Variants in DENND6A observed in about 807,000 individuals in gnomAD.
DENND6A encodes protein DENND6A.
Under a neutral mutation model 95.5 loss-of-function variants are expected in DENND6A, and 43 were observed. The observed-to-expected ratio is 0.45, with a 90% CI of 0.35 to 0.58. DENND6A has a LOEUF of 0.58. Among genes scored for constraint, DENND6A ranks in the 20% least tolerant of loss-of-function variants. The pLI is 0.00. For synonymous variants in DENND6A, 257 were observed against 260.4 expected (o/e 0.99, Z 0.13); for missense variants, 574 against 736.0 (o/e 0.78, Z 2.55).
At chr3:57,652,686 A>C (rs1489893961) in intron 9 of DENND6A, among the ~76,000 whole-genome samples, 1 of 152,248 alleles carries the variant, frequency 6.6e-6, no homozygotes, top group Non-Finnish European at 1.5e-5. Flanking sequence ...AGGATACCAC[A>C]TTAATCAAGT....
In DENND6A at chr3:57,645,768, G is replaced by T; in HGVS notation, c.942-12C>A. The T allele has an allele frequency of 1.9e-6, 3 of 1,592,476 alleles. No homozygotes were observed. Among genetic ancestry groups the T allele is most frequent in the Non-Finnish European group, 2.6e-6 (3 of 1,162,744 alleles). On this transcript the variant is annotated splice_polypyrimidine_tract_variant and intron_variant, in intron 10 of 19. Coordinates refer to ENST00000311128, the MANE Select transcript of DENND6A (RefSeq NM_152678.3). ...ATGGAGAAATACAGCTGTGGAGCAG[G>T]AAGAACATGTAAAATAAAGGACACA...
At chr3:57,634,152 G>GC (rs1311692355) in intron 14 of DENND6A, among the ~76,000 whole-genome samples, 1 of 152,058 alleles carries the variant, frequency 6.6e-6, no homozygotes, top group African/African-American at 2.4e-5. Context: ...AGAGACCCTG[G>GC]CAGGGCACGG....
chr3:57,680,535 C>A (rs980791022), intron 1 of DENND6A, among the ~76,000 whole-genome samples: 1 of 152,188 alleles, frequency 6.6e-6, no homozygotes, highest in Non-Finnish European at 1.5e-5. Context: ...TCAGCCAGTA[C>A]CTTGATCTTG....
At chr3:57,691,928 T>TAA (rs34356945) in intron 1 of DENND6A, among the ~76,000 whole-genome samples, 6 of 150,502 alleles carry the variant, frequency 4.0e-5, no homozygotes, top group East Asian at 2.0e-4. Context: ...AGAGGCAACA[T>TAA]AAAAAAAAAT....
intron 1 of DENND6A, among the ~76,000 whole-genome samples, chr3:57,691,669 C>CAAAAAAAAAAA (rs71091304): frequency 5.3e-5 from 5 of 93,580 alleles, no homozygotes; most frequent in South Asian, 3.7e-4. Context: ...TCACCAATAC[C>CAAAAAAAAAAA]AAAAAAAAAA....
intron 3 of DENND6A, among the ~76,000 whole-genome samples, chr3:57,670,032 A>AAAAAAAAAG (rs2071590911): frequency 6.7e-6 from 1 of 149,356 alleles, no homozygotes; most frequent in African/African-American, 2.5e-5. Flanking sequence ...AAAAAAAAAA[A>AAAAAAAAAG]AAAAAGAAAA....
chr3:57,682,038 A>G (rs1322001276), intron 1 of DENND6A, among the ~76,000 whole-genome samples: 3 of 152,224 alleles, frequency 2.0e-5, no homozygotes, highest in African/African-American at 7.2e-5. Context: ...CAAACCATAA[A>G]AAGGCATAAA....
intron 1 of DENND6A, among the ~76,000 whole-genome samples, chr3:57,689,200 G>A (rs748760539): frequency 1.9e-4 from 29 of 151,850 alleles, no homozygotes; most frequent in Non-Finnish European, 3.5e-4. Context: ...TGATCTGCCC[G>A]CCTCGGCCTC....
chr3:57,641,223 ATATT>A (rs2070924459), intron 12 of DENND6A, among the ~76,000 whole-genome samples: 1 of 143,856 alleles, frequency 7.0e-6, no homozygotes, highest in Non-Finnish European at 1.5e-5. Context: ...ATAAAAATAT[ATATT>A]TAAATATTTA....
At chr3:57,655,558 T>TA (rs1175845882) in intron 9 of DENND6A, among the ~76,000 whole-genome samples, 1 of 152,218 alleles carries the variant, frequency 6.6e-6, no homozygotes, top group East Asian at 1.9e-4. Context: ...ATTCTACTTA[T>TA]GACCTCAAGG....
intron 1 of DENND6A, among the ~76,000 whole-genome samples, chr3:57,684,177 A>G (rs1479085585): frequency 8.4e-6 from 1 of 119,056 alleles, no homozygotes; most frequent in Non-Finnish European, 1.7e-5. Context: ...AAAAGAGTTT[A>G]TGGGCCAGGC....
Position 57,628,796 on chromosome 3 carries a change from GT to G in DENND6A, c.1695+14del. 1.2e-6 allele frequency: 2 copies of G among 1,606,400 alleles called. No individual in the cohort carries two copies. Among genetic ancestry groups the G allele is most frequent in the Non-Finnish European group, 1.7e-6 (2 of 1,177,818 alleles). On this transcript the variant is annotated intron_variant, in intron 19 of 19. Coordinates refer to ENST00000311128, the MANE Select transcript of DENND6A (RefSeq NM_152678.3). ...AGAAAAGTCAATTTAATCTTTGGCT[GT>G]TTTGGCTACATACCAGCTTATTTTT...
chr3:57,677,624 T>G (rs1444304807), intron 1 of DENND6A, among the ~76,000 whole-genome samples: 1 of 151,882 alleles, frequency 6.6e-6, no homozygotes, highest in Non-Finnish European at 1.5e-5. Context: ...TCTGTAGATA[T>G]GGAGTCTTGC....
intron 1 of DENND6A, among the ~76,000 whole-genome samples, chr3:57,673,291 A>C (rs2071652646): frequency 6.6e-6 from 1 of 151,984 alleles, no homozygotes; most frequent in Admixed American, 6.6e-5. Context: ...GCATGGGTAG[A>C]ACTGTTAAGT....
At chr3:57,653,252 C>T (rs1559816185) in intron 9 of DENND6A, among the ~76,000 whole-genome samples, 3 of 152,030 alleles carry the variant, frequency 2.0e-5, no homozygotes, top group Non-Finnish European at 2.9e-5. Context: ...TTTAAGGCAC[C>T]AAGTTGCAAA....
intron 12 of DENND6A, among the ~76,000 whole-genome samples, chr3:57,636,695 G>C (rs1460499480): frequency 6.6e-6 from 1 of 152,152 alleles, no homozygotes; most frequent in Non-Finnish European, 1.5e-5. Flanking sequence ...TCAGCACTTT[G>C]GAAAGCTGAG....
chr3:57,675,000 G>C (rs1260104521), intron 1 of DENND6A, among the ~76,000 whole-genome samples: 1 of 152,158 alleles, frequency 6.6e-6, no homozygotes, highest in Non-Finnish European at 1.5e-5. Flanking sequence ...AGGAGGGAGA[G>C]GAGCAGAAAA....
chr3:57,643,424 C>T (rs2070994377), intron 11 of DENND6A, among the ~76,000 whole-genome samples: 1 of 152,160 alleles, frequency 6.6e-6, no homozygotes, highest in Admixed American at 6.6e-5. Context: ...CCCCACAACA[C>T]ACACACACGC....
chr3:57,663,801 A>G (rs148217539), intron 4 of DENND6A, 85 bp from the exon 5 acceptor site: 96 of 744,560 alleles, frequency 1.3e-4, no homozygotes, highest in African/African-American at 1.1e-3. Context: ...ATCTTTTAAT[A>G]TTAACATCAG....
Sources: gnomAD v4.1 joint callset for allele counts (sites outside exome capture counted in the v4.1 genomes callset) on GRCh38, gnomAD v4.1.1 for gene constraint, MANE v1.5 for transcripts, NCBI Gene and HGNC (gene_info 2026-07-23, HGNC 2026-07-21) for gene names.